ATP5F1A: variants seen among roughly 807,000 people sequenced by gnomAD.
ATP5F1A encodes the protein ATP synthase F1 subunit alpha, also known as ATP synthase F(1) complex subunit alpha, mitochondrial.
ATP5F1A carries 24 observed loss-of-function variants against 57.4 expected under a neutral mutation model. That is an observed-to-expected ratio of 0.42 (90% CI 0.30 to 0.59). The LOEUF is 0.59. ATP5F1A is among the 20% of genes least tolerant of loss of function. The pLI, the probability that ATP5F1A is intolerant of heterozygous loss-of-function variation, is 0.19. For missense variants in ATP5F1A, 494 were observed against 707.9 expected, an observed-to-expected ratio of 0.70 and a Z score of 3.43; for synonymous variants, 251 against 255.5, an observed-to-expected ratio of 0.98 and a Z score of 0.17.
intron 8 of ATP5F1A, 83 bp from the exon 9 acceptor site, chr18:46,086,577 GCTGAAACTCAAAAC>G: frequency 7.5e-7 from 1 of 1,331,816 alleles, no homozygotes; most frequent in Non-Finnish European, 1.0e-6. Flanking sequence ...ATGCCAAAAA[GCTGAAACTCAAAAC>G]CTAACAATGC....
At chr18:46,103,459 G>T (rs1911347025) in intron 1 of ATP5F1A, among the ~76,000 whole-genome samples, 1 of 151,302 alleles carries the variant, frequency 6.6e-6, no homozygotes, top group South Asian at 2.1e-4. Flanking sequence ...AAATTAGCTG[G>T]GCGTGGTGAT....
intron 10 of ATP5F1A, 121 bp downstream of exon 10, chr18:46,085,992 G>T: frequency 5.5e-6 from 6 of 1,093,428 alleles, no homozygotes; most frequent in Non-Finnish European, 6.3e-6. Context: ...AAGTGCCTTT[G>T]ATGAAAGATA....
upstream of ATP5F1A, among the ~76,000 whole-genome samples, chr18:46,102,254 T>C (rs1187635987): frequency 2.6e-5 from 4 of 152,192 alleles, no homozygotes; most frequent in Admixed American, 6.5e-5. Context: ...ATAACTTTTT[T>C]TGCCCCATAC....
rs1568240735 is a variant in ATP5F1A at position 46,081,692 on chromosome 18, A to AAAAAAAAAAAAAAAAAAAAAAC, written c.*2589_*2590insGTTTTTTTTTTTTTTTTTTTTT. The AAAAAAAAAAAAAAAAAAAAAAC allele has an allele frequency of 1.5e-4, 21 of 144,424 alleles. No homozygotes were observed. Among genetic ancestry groups the AAAAAAAAAAAAAAAAAAAAAAC allele is most frequent in the Non-Finnish European group, 2.9e-4 (19 of 65,340 alleles). 8.9% of individuals were successfully genotyped at this position (144,424 alleles called of 1,614,324 possible). ...AAAAAACAAAAAAAAAAAAAAAAAA[A>AAAAAAAAAAAAAAAAAAAAAAC]AAAAACGAAATGTGCAGAACCTTCT... On this transcript the variant is annotated 3_prime_UTR_variant, in exon 12 of 12. Transcript: ENST00000398752.
chr18:46,097,910 G>T, intron 1 of ATP5F1A: 1 of 1,239,980 alleles, frequency 8.1e-7, no homozygotes, highest in Non-Finnish European at 1.0e-6. Flanking sequence ...TAGGGCCGCT[G>T]TCAGCCGAAG....
rs1235258755 is a variant in ATP5F1A at position 46,084,539 on chromosome 18, G to A, written c.1545C>T (p.Val515=). The A allele has an allele frequency of 5.0e-6, 8 of 1,609,860 alleles. No homozygotes were observed. Among genetic ancestry groups the A allele is most frequent in the East Asian group, 2.2e-5 (1 of 44,856 alleles). ...TKFENAFLSH[V]VSQHQALLGT... The stretch of plus-strand genomic sequence containing the variant: ...CCAACAAGGCTTGGTGCTGGCTGAC[G>A]ACATGAGACAAGAAAGCATTCTCAA... The change falls in exon 11 of 12, where the codon GTC becomes GTT. Residue 515 remains valine (V), a synonymous_variant. Transcript: ENST00000398752.
chr18:46,102,576 G>A (rs921090763), upstream of ATP5F1A, among the ~76,000 whole-genome samples: 7 of 151,950 alleles, frequency 4.6e-5, no homozygotes, highest in South Asian at 2.1e-4. Flanking sequence ...CACCTGCCTC[G>A]GCCTCCCAAA....
At chr18:46,096,650 A>C (rs1185163331) in intron 1 of ATP5F1A, among the ~76,000 whole-genome samples, 1 of 150,200 alleles carries the variant, frequency 6.7e-6, no homozygotes, top group Non-Finnish European at 1.5e-5. Flanking sequence ...CAAAACTCAA[A>C]GTAGTTCCAA....
At chr18:46,091,575 A>T in intron 3 of ATP5F1A, 107 bp downstream of exon 3, 1 of 1,233,476 alleles carries the variant, frequency 8.1e-7, no homozygotes, top group Non-Finnish European at 1.1e-6. Flanking sequence ...AATCTGAGGC[A>T]AATTAAGACA....
upstream of ATP5F1A, among the ~76,000 whole-genome samples, chr18:46,099,011 G>A (rs757684161): frequency 2.6e-5 from 4 of 151,864 alleles, no homozygotes; most frequent in Non-Finnish European, 5.9e-5. Flanking sequence ...CTAGGTGATG[G>A]GATGATAGTT....
chr18:46,087,391 T>C lies in ATP5F1A; in HGVS notation c.901A>G (p.Arg301Gly). 4 of 1,614,214 alleles carry C rather than the reference T, an allele frequency of 2.5e-6. No homozygotes were observed. The highest frequency in any genetic ancestry group is 3.4e-6 in the Non-Finnish European group (4 of 1,180,044). The change falls in exon 7 of 12, where the codon AGA becomes GGA. Residue 301 changes from arginine (R) to glycine (G), a missense_variant. Coordinates refer to ENST00000398752, the MANE Select transcript of ATP5F1A (RefSeq NM_004046.6). Reference protein sequence around the residue: ...YSGCSMGEYFRDNGKHALIIY... With the variant: ...YSGCSMGEYFGDNGKHALIIY... ...ATCAAAGCATGTTTGCCATTGTCTC[T>C]AAAATACTCTCCCATGGAACAGCCA...
upstream of ATP5F1A, among the ~76,000 whole-genome samples, chr18:46,100,923 A>C (rs1911257025): frequency 6.6e-6 from 1 of 151,984 alleles, no homozygotes; most frequent in Non-Finnish European, 1.5e-5. Flanking sequence ...AAATACAAAA[A>C]TTGGCTGGGT....
intron 1 of ATP5F1A, among the ~76,000 whole-genome samples, chr18:46,095,466 C>G (rs1910875636): frequency 1.3e-5 from 2 of 152,086 alleles, no homozygotes. Context: ...AGGGGTGCGC[C>G]ACCTCCACCA....
At chr18:46,094,511 C>A (rs979170852) in intron 2 of ATP5F1A, among the ~76,000 whole-genome samples, 1 of 151,850 alleles carries the variant, frequency 6.6e-6, no homozygotes, top group Non-Finnish European at 1.5e-5. Flanking sequence ...TACTAAAATA[C>A]AAAAAATTAG....
chr18:46,103,780 G>A (rs1911363885), intron 1 of ATP5F1A, among the ~76,000 whole-genome samples: 2 of 152,148 alleles, frequency 1.3e-5, no homozygotes, highest in South Asian at 4.2e-4. Flanking sequence ...CAGGCGTGGT[G>A]GCGCTTGCCC....
chr18:46,089,374 C>T (rs551915664), intron 5 of ATP5F1A, 192 bp downstream of exon 5: 23 of 649,836 alleles, frequency 3.5e-5, no homozygotes, highest in African/African-American at 2.0e-4. Context: ...TGAGCTAGCT[C>T]GTCCCACCTG....
chr18:46,084,258 T>C lies in ATP5F1A; in HGVS notation c.*24A>G. 3.8e-6 allele frequency: 6 copies of C among 1,595,788 alleles called. No individual in the cohort carries two copies. The highest frequency in any genetic ancestry group is 2.2e-5 in the East Asian group (1 of 44,772). ...TAGAACAATGACAAAACTGAACTGG[T>C]ATTTGATGTGAATCCACAGGAGTTT... On this transcript the variant is annotated 3_prime_UTR_variant, in exon 12 of 12. Transcript: ENST00000398752.
rs774299028 is a variant in ATP5F1A, at chr18:46,080,437, G to T, written c.*3845C>A. ...TGGGCAGTGTATTTAGGCCTGCCTG[G>T]TTAAAAACAGCCAGGTGCCTATGAG... is the stretch of plus-strand genomic sequence containing the variant. On this transcript the variant is annotated 3_prime_UTR_variant, in exon 12 of 12. Coordinates refer to ENST00000398752, the MANE Select transcript of ATP5F1A (RefSeq NM_004046.6). 1 of 152,180 alleles carries T rather than the reference G, an allele frequency of 6.6e-6. No homozygotes were observed. The highest frequency in any genetic ancestry group is 2.4e-5 in the African/African-American group (1 of 41,454). 9.4% of individuals were successfully genotyped at this position (152,180 alleles called of 1,614,324 possible).
intron 1 of ATP5F1A, 160 bp from the exon 2 acceptor site, chr18:46,095,291 G>T: frequency 1.5e-6 from 1 of 647,460 alleles, no homozygotes; most frequent in Non-Finnish European, 2.6e-6. Flanking sequence ...AGTAGCTTTT[G>T]ATATATGTGA....
Sources: allele counts gnomAD v4.1 joint callset (sites outside exome capture counted in the v4.1 genomes callset), GRCh38; gene constraint gnomAD v4.1.1; transcripts MANE v1.5; gene names NCBI Gene and HGNC (gene_info 2026-07-23, HGNC 2026-07-21).